SLC8A3: variants seen among roughly 807,000 people sequenced by gnomAD.
SLC8A3 encodes solute carrier family 8 member A3, also known as sodium/calcium exchanger 3.
A neutral mutation model predicts 65.4 loss-of-function variants in SLC8A3; 37 were observed. The observed-to-expected ratio is 0.57, with a 90% CI of 0.44 to 0.74. The LOEUF is 0.74. SLC8A3 is among the 30% of genes least tolerant of loss of function. SLC8A3 has a pLI of 0.00. For synonymous variants in SLC8A3, 461 were observed against 444.5 expected (o/e 1.04, Z -0.47); for missense variants, 1,112 against 1,172.1 (o/e 0.95, Z 0.75).
intron 2 of SLC8A3, among the ~76,000 whole-genome samples, chr14:70,162,013 G>C (rs1224266669): frequency 6.6e-6 from 1 of 151,630 alleles, no homozygotes; most frequent in African/African-American, 2.4e-5. Context: ...AATTCAGATA[G>C]AGAAAGACTT....
intron 2 of SLC8A3, among the ~76,000 whole-genome samples, chr14:70,134,991 A>C (rs1380779413): frequency 6.6e-6 from 1 of 152,248 alleles, no homozygotes; most frequent in Non-Finnish European, 1.5e-5. Context: ...TGGAGTCCTC[A>C]TAAGAAGATG....
chr14:70,180,190 A>G (rs944145713), intron 1 of SLC8A3, among the ~76,000 whole-genome samples: 1 of 152,244 alleles, frequency 6.6e-6, no homozygotes, highest in Non-Finnish European at 1.5e-5. Context: ...GATGCTGGTG[A>G]TCAGCCTCCT....
Position 70,048,750 on chromosome 14 carries a change from G to C in SLC8A3, c.2389+17C>G. 1 of 1,610,812 alleles carries C rather than the reference G, an allele frequency of 6.2e-7. No homozygotes were observed. On this transcript the variant is annotated intron_variant, in intron 6 of 6. Transcript: ENST00000356921. Reference sequence around the variant, plus strand: ...GGTAAAATCCTCTTTGCAAATTCAAGCACCTCTCACTCTCACCTGGGACAG... The same window carrying C: ...GGTAAAATCCTCTTTGCAAATTCAACCACCTCTCACTCTCACCTGGGACAG...
At chr14:70,049,640 A>AG (rs1457759939) in intron 5 of SLC8A3, among the ~76,000 whole-genome samples, 1 of 152,054 alleles carries the variant, frequency 6.6e-6, no homozygotes, top group Non-Finnish European at 1.5e-5. Flanking sequence ...TTAAAAAAAA[A>AG]AAGAAAGGAG....
rs569548087 is a variant in SLC8A3 at position 70,057,491 on chromosome 14, A to T, written c.1888+3345T>A. 1.4e-4 allele frequency among the ~76,000 whole-genome samples: 21 copies of T among 152,164 alleles called. No individual in the cohort carries two copies. The East Asian group carries it at 4.1e-3, about 29-fold the overall frequency. ...AAAGGTCCCTGATGCCCTGGTTTTCACTCATACATGCCACCGAACATCTGG... is the reference window on the plus strand; with the variant it reads ...AAAGGTCCCTGATGCCCTGGTTTTCTCTCATACATGCCACCGAACATCTGG... On this transcript the variant is annotated intron_variant, in intron 3 of 6. Coordinates refer to ENST00000356921, the MANE Select transcript of SLC8A3 (RefSeq NM_182932.3).
chr14:70,167,792 T>C lies in SLC8A3; in HGVS notation c.631A>G (p.Ile211Val), dbSNP rs764363174. Residue 211 changes from isoleucine to valine, a missense_variant, in exon 2 of 7, where the codon ATC (isoleucine) becomes GTC (valine). Transcript: ENST00000356921. ...ATATAGAGCCAGATGTAGGCAAAGA[T>C]ACTCCAAGCAGCGGTGATGAAGAAG... Reference protein sequence around the residue: ...RVFFITAAWSIFAYIWLYMIL... With the variant: ...RVFFITAAWSVFAYIWLYMIL... 9.3e-6 allele frequency: 15 copies of C among 1,614,112 alleles called. No homozygotes were observed. The highest frequency in any genetic ancestry group is 7.7e-5 in the South Asian group (7 of 91,060).
At chr14:70,183,465 C>A (rs73278822) in intron 1 of SLC8A3, among the ~76,000 whole-genome samples, 13 of 152,224 alleles carry the variant, frequency 8.5e-5, no homozygotes, top group African/African-American at 3.1e-4. Flanking sequence ...TCAGCCTTCA[C>A]GGATCTCTCC....
At chr14:70,120,396 C>G (rs1595018841) in intron 2 of SLC8A3, among the ~76,000 whole-genome samples, 1 of 152,114 alleles carries the variant, frequency 6.6e-6, no homozygotes, top group East Asian at 1.9e-4. Flanking sequence ...GTGCATTTGC[C>G]CATCCTACTT....
At chr14:70,062,683 C>A (rs1358009213) in intron 2 of SLC8A3, among the ~76,000 whole-genome samples, 1 of 152,180 alleles carries the variant, frequency 6.6e-6, no homozygotes, top group African/African-American at 2.4e-5. Flanking sequence ...ATTTTTATTA[C>A]CTTTTTGGGT....
At chr14:70,108,324 C>T (rs574735486) in intron 2 of SLC8A3, among the ~76,000 whole-genome samples, 44 of 150,376 alleles carry the variant, frequency 2.9e-4, no homozygotes, top group Non-Finnish European at 5.3e-4. Flanking sequence ...CGCTTTAACC[C>T]GGGAGCCGGA....
intron 2 of SLC8A3, among the ~76,000 whole-genome samples, chr14:70,156,979 T>G (rs1896611098): frequency 6.6e-6 from 1 of 152,104 alleles, no homozygotes; most frequent in African/African-American, 2.4e-5. Context: ...AAAAAGTAAA[T>G]GGGAAGAAAT....
chr14:70,148,334 T>A (rs1295148755), intron 2 of SLC8A3, among the ~76,000 whole-genome samples: 1 of 152,212 alleles, frequency 6.6e-6, no homozygotes, highest in Non-Finnish European at 1.5e-5. Flanking sequence ...TGTAACCCCA[T>A]CATAGGCTGA....
In SLC8A3 at chr14:70,050,918, AG is replaced by A. The variant is rs1451489588; in HGVS notation, c.2113+89del. Reference sequence around the variant, plus strand: ...GAAGACTGAACACACAAGCCTTCCTAGGGACTGGCAGGCTGTTAACGTGGCT... The same window carrying A: ...GAAGACTGAACACACAAGCCTTCCTAGGACTGGCAGGCTGTTAACGTGGCT... On this transcript the variant is annotated intron_variant, in intron 5 of 6. Coordinates refer to ENST00000356921, the MANE Select transcript of SLC8A3 (RefSeq NM_182932.3). The A allele has an allele frequency of 1.4e-5, 11 of 773,606 alleles. No individual in the cohort carries two copies. In the East Asian group the frequency reaches 2.6e-4, roughly 18 times the overall value. The allele number at this position is 773,606 out of a possible 1,614,324, so 47.9% of individuals were successfully genotyped here.
At chr14:70,148,492 C>G (rs1896069796) in intron 2 of SLC8A3, among the ~76,000 whole-genome samples, 1 of 152,092 alleles carries the variant, frequency 6.6e-6, no homozygotes. Context: ...GGTTTTAGCC[C>G]TAACACAAAG....
intron 2 of SLC8A3, among the ~76,000 whole-genome samples, chr14:70,095,498 C>T (rs917840381): frequency 1.3e-5 from 2 of 152,224 alleles, no homozygotes; most frequent in Admixed American, 1.3e-4. Context: ...GTCACTTGGA[C>T]CACAACAGCG....
intron 2 of SLC8A3, among the ~76,000 whole-genome samples, chr14:70,083,011 G>A (rs549437580): frequency 3.9e-5 from 6 of 152,268 alleles, no homozygotes; most frequent in African/African-American, 1.4e-4. Context: ...GGAAGGAGAC[G>A]TGACCTAGTC....
At chr14:70,145,044 T>C (rs769115977) in intron 2 of SLC8A3, among the ~76,000 whole-genome samples, 17 of 152,212 alleles carry the variant, frequency 1.1e-4, no homozygotes, top group Non-Finnish European at 2.1e-4. Flanking sequence ...AATGAAGACA[T>C]TTGGTAACCC....
At chr14:70,110,669 CTTTCTTTTTTTTT>C (rs1893231731) in intron 2 of SLC8A3, among the ~76,000 whole-genome samples, 1 of 118,228 alleles carries the variant, frequency 8.5e-6, no homozygotes, top group African/African-American at 3.3e-5. Context: ...GCAGATACCT[CTTTCTTTTTTTTT>C]TTTTTTTTTT....
intron 2 of SLC8A3, among the ~76,000 whole-genome samples, chr14:70,062,665 G>A (rs1161403353): frequency 2.0e-5 from 3 of 152,194 alleles, no homozygotes; most frequent in Non-Finnish European, 4.4e-5. Context: ...AGTGATGCAC[G>A]ACTGTACATT....
Sources: gnomAD v4.1 joint callset for allele counts (sites outside exome capture counted in the v4.1 genomes callset) on GRCh38, gnomAD v4.1.1 for gene constraint, MANE v1.5 for transcripts, NCBI Gene and HGNC (gene_info 2026-07-23, HGNC 2026-07-21) for gene names.